Variants in DPP10 observed in about 807,000 individuals in gnomAD.
DPP10 encodes the protein dipeptidyl peptidase like 10, also known as inactive dipeptidyl peptidase 10.
A neutral mutation model predicts 120.9 loss-of-function variants in DPP10; 33 were observed. That is an observed-to-expected ratio of 0.27 (90% confidence interval 0.21 to 0.37). The LOEUF (loss-of-function observed/expected upper bound fraction) is 0.37, where lower values mean the gene tolerates loss of function less well. Among genes scored for constraint, DPP10 ranks in the 10% least tolerant of loss-of-function variants. The probability of loss-of-function intolerance (pLI) is 1.00; values close to 1 mark genes in which losing one functional copy is unlikely to be tolerated. For missense variants in DPP10, 816 were observed against 942.8 expected (o/e 0.87, Z 1.76); for synonymous variants, 337 against 326.1 (o/e 1.03, Z -0.36).
At chr2:115,697,855 G>A (rs186902947) in intron 7 of DPP10, among the ~76,000 whole-genome samples, 5 of 152,174 alleles carry the variant, frequency 3.3e-5, no homozygotes, top group African/African-American at 9.6e-5. Context: ...CGTGGTGGCG[G>A]GCGCCTGTAG....
At chr2:115,007,527 T>C (rs1701945071) in intron 1 of DPP10, among the ~76,000 whole-genome samples, 1 of 150,214 alleles carries the variant, frequency 6.7e-6, no homozygotes, top group Non-Finnish European at 1.5e-5. Flanking sequence ...AAGACAGGGA[T>C]GCCCTCTCTC....
intron 19 of DPP10, among the ~76,000 whole-genome samples, chr2:115,800,579 TA>T (rs2149966433): frequency 6.6e-6 from 1 of 152,238 alleles, no homozygotes. Context: ...GTCTAACGTT[TA>T]AGTCTTTAAT....
At chr2:114,610,975 G>C (rs1387656678) in intron 1 of DPP10, among the ~76,000 whole-genome samples, 1 of 152,066 alleles carries the variant, frequency 6.6e-6, no homozygotes, top group South Asian at 2.1e-4. Flanking sequence ...TCAGCACTGA[G>C]TGATCATCAT....
chr2:114,747,674 C>G (rs1431153374), intron 1 of DPP10, among the ~76,000 whole-genome samples: 1 of 152,164 alleles, frequency 6.6e-6, no homozygotes, highest in African/African-American at 2.4e-5. Context: ...CCATTCTTCA[C>G]AGTTTGTTCT....
intron 1 of DPP10, among the ~76,000 whole-genome samples, chr2:114,685,669 TAATTAAAA>T (rs935492229): frequency 2.5e-4 from 38 of 151,992 alleles, no homozygotes; most frequent in African/African-American, 8.7e-4. Flanking sequence ...ACACATGCTC[TAATTAAAA>T]TATGGAAGTC....
At position 114,997,550 on chromosome 2, in the gene DPP10, T is replaced by C. The variant is rs1164796829; in HGVS notation, c.61-311689T>C. 2.0e-5 allele frequency among the ~76,000 whole-genome samples: 3 copies of C among 150,440 alleles called. No homozygotes were observed. In the East Asian group the frequency reaches 5.8e-4, roughly 29 times the overall value. ...ACATGGAATGCCTTTCAAGGAAACA[T>C]TACCTTAAAAAAGTGTAATATTATA... On this transcript the variant is annotated intron_variant, in intron 1 of 25. Transcript: ENST00000410059.
intron 1 of DPP10, among the ~76,000 whole-genome samples, chr2:114,855,015 G>C (rs1022493011): frequency 1.3e-5 from 2 of 152,112 alleles, no homozygotes; most frequent in Admixed American, 6.6e-5. Flanking sequence ...TAAGTTCACA[G>C]AGAGAGAAAA....
intron 1 of DPP10, among the ~76,000 whole-genome samples, chr2:114,790,263 A>G (rs1683125226): frequency 6.6e-6 from 1 of 152,252 alleles, no homozygotes; most frequent in Non-Finnish European, 1.5e-5. Flanking sequence ...AAATTGAAAG[A>G]ATAATAAATA....
At chr2:115,434,253 AT>A in intron 3 of DPP10, among the ~76,000 whole-genome samples, 1 of 152,146 alleles carries the variant, frequency 6.6e-6, no homozygotes, top group Non-Finnish European at 1.5e-5. Flanking sequence ...ATAATTGAGA[AT>A]TTGATAAATT....
chr2:115,398,061 A>G (rs1039164822), intron 3 of DPP10, among the ~76,000 whole-genome samples: 3 of 152,162 alleles, frequency 2.0e-5, no homozygotes, highest in African/African-American at 4.8e-5. Context: ...TAAGATGTTC[A>G]TCACACAAAC....
intron 17 of DPP10, among the ~76,000 whole-genome samples, chr2:115,787,638 G>C (rs1575775702): frequency 6.6e-6 from 1 of 151,728 alleles, no homozygotes; most frequent in Non-Finnish European, 1.5e-5. Context: ...GTCAGAATGG[G>C]GCAAGGAAAC....
At chr2:114,767,571 G>A (rs995651132) in intron 1 of DPP10, among the ~76,000 whole-genome samples, 9 of 152,052 alleles carry the variant, frequency 5.9e-5, no homozygotes, top group Admixed American at 5.2e-4. Context: ...TCAGAGAAAA[G>A]AGAGATCACA....
In DPP10 at chr2:114,573,546, C is replaced by T. The variant is rs372306612; in HGVS notation, c.60+130708C>T. 1.9e-3 allele frequency among the ~76,000 whole-genome samples: 295 copies of T among 152,230 alleles called. 2 individuals carry two copies. The highest frequency in any genetic ancestry group is 0.018 in the East Asian group (93 of 5,166). On this transcript the variant is annotated intron_variant, in intron 1 of 25. Transcript: ENST00000410059. ...AAAGATATGGTCCCAAGCTATCAAACGACGAAGCAGAAGATAATCCAAAAG... is the reference window on the plus strand; with the variant it reads ...AAAGATATGGTCCCAAGCTATCAAATGACGAAGCAGAAGATAATCCAAAAG...
chr2:115,380,035 TG>T lies in DPP10; in HGVS notation c.271+36127del, dbSNP rs544802365. On this transcript the variant is annotated intron_variant, in intron 3 of 25. Transcript: ENST00000410059. ...TGAAAAAATATATATTCTGTTCATT[TG>T]GGGTGGAGAGTTCTGTAGATGTCTA... 8.1e-4 allele frequency among the ~76,000 whole-genome samples: 124 copies of T among 152,338 alleles called. 2 individuals carry two copies. In the South Asian group the frequency reaches 0.018, roughly 22 times the overall value.
At chr2:114,651,458 C>G (rs894796153) in intron 1 of DPP10, among the ~76,000 whole-genome samples, 2 of 152,110 alleles carry the variant, frequency 1.3e-5, no homozygotes, top group African/African-American at 4.8e-5. Flanking sequence ...ATTGTTGCAA[C>G]CACCCCTCAT....
At chr2:115,289,522 A>AAGAAAAGAAG (rs1312412820) in intron 1 of DPP10, among the ~76,000 whole-genome samples, 2 of 151,298 alleles carry the variant, frequency 1.3e-5, no homozygotes, top group East Asian at 3.9e-4. Flanking sequence ...AAGAAAAGAA[A>AAGAAAAGAAG]AAAGAGCCTA....
At chr2:115,065,334 G>A (rs1706747901) in intron 1 of DPP10, among the ~76,000 whole-genome samples, 1 of 152,026 alleles carries the variant, frequency 6.6e-6, no homozygotes, top group African/African-American at 2.4e-5. Context: ...CATAAACTGG[G>A]AAGAGATAAG....
At chr2:115,409,573 C>G (rs1574750395) in intron 3 of DPP10, among the ~76,000 whole-genome samples, 1 of 152,168 alleles carries the variant, frequency 6.6e-6, no homozygotes, top group Admixed American at 6.5e-5. Context: ...GAAATGTAAA[C>G]TACTATAACC....
chr2:114,659,891 C>T (rs1436483994), intron 1 of DPP10, among the ~76,000 whole-genome samples: 3 of 152,138 alleles, frequency 2.0e-5, no homozygotes, highest in Non-Finnish European at 1.5e-5. Context: ...CAGCTACCAG[C>T]CACGTAATAT....
Sources: allele counts gnomAD v4.1 joint callset (sites outside exome capture counted in the v4.1 genomes callset), GRCh38; gene constraint gnomAD v4.1.1; transcripts MANE v1.5; gene names NCBI Gene and HGNC (gene_info 2026-07-23, HGNC 2026-07-21).